The following EMC8 variants were observed in gnomAD, a reference collection of about 807,000 sequenced individuals.
EMC8 encodes COX4 neighbor.
EMC8 carries 11 observed loss-of-function variants against 24.3 expected under a neutral mutation model. The observed-to-expected ratio is 0.45, with a 90% CI of 0.28 to 0.75. EMC8 has a LOEUF of 0.75. Among genes scored for constraint, EMC8 ranks in the 30% least tolerant of loss-of-function variants. EMC8 has a pLI of 0.12. For missense variants in EMC8, 277 were observed against 282.7 expected (o/e 0.98, Z 0.14); for synonymous variants, 145 against 117.7 (o/e 1.23, Z -1.50).
chr16:85,779,556 A>C lies in EMC8; in HGVS notation c.*152T>G. ...AGACTCTGTGTTAAAAACACGACCGACTGAACATTCTGCCCCCTTTCAAGG... is the reference window on the plus strand; with the variant it reads ...AGACTCTGTGTTAAAAACACGACCGCCTGAACATTCTGCCCCCTTTCAAGG... On this transcript the variant is annotated 3_prime_UTR_variant, in exon 5 of 5. Transcript: ENST00000253457. The C allele has an allele frequency of 1.4e-6, 1 of 729,598 alleles. No homozygotes were observed. The highest frequency in any genetic ancestry group is 2.3e-6 in the Non-Finnish European group (1 of 438,500). The allele number at this position is 729,598 out of a possible 1,614,324, so 45.2% of individuals were successfully genotyped here.
At chr16:85,797,535 A>G (rs984723879) in intron 1 of EMC8, among the ~76,000 whole-genome samples, 4 of 152,264 alleles carry the variant, frequency 2.6e-5, no homozygotes, top group African/African-American at 9.6e-5. Flanking sequence ...ATATCATCTA[A>G]GTATTATAAT....
At chr16:85,783,050 T>G (rs1017470670) in intron 2 of EMC8, among the ~76,000 whole-genome samples, 2 of 152,176 alleles carry the variant, frequency 1.3e-5, no homozygotes, top group Admixed American at 6.5e-5. Context: ...CTGTAATCCC[T>G]GCACTTTCGG....
intron 4 of EMC8, 46 bp downstream of exon 4, chr16:85,780,333 G>C: frequency 7.0e-7 from 1 of 1,438,586 alleles, no homozygotes; most frequent in Non-Finnish European, 9.8e-7. Flanking sequence ...CACGTGGCCG[G>C]GCGCTGAAGG....
intron 1 of EMC8, among the ~76,000 whole-genome samples, chr16:85,796,659 A>T (rs1905252414): frequency 1.3e-5 from 2 of 149,590 alleles, no homozygotes; most frequent in Admixed American, 1.3e-4. Flanking sequence ...CTCTCTCCAA[A>T]CTCCCCCACT....
chr16:85,780,705 C>G, intron 3 of EMC8: 1 of 563,970 alleles, frequency 1.8e-6, no homozygotes, highest in Non-Finnish European at 3.2e-6. Flanking sequence ...AGCTTCCAAA[C>G]ATGACTTCTT....
intron 3 of EMC8, 125 bp from the exon 4 acceptor site, chr16:85,780,598 A>T: frequency 1.5e-6 from 1 of 685,578 alleles, no homozygotes; most frequent in South Asian, 1.6e-5. Context: ...CTTCCGACAG[A>T]GCCTGTATGC....
At chr16:85,788,935 C>T in intron 2 of EMC8, 39 bp downstream of exon 2, 5 of 1,471,170 alleles carry the variant, frequency 3.4e-6, no homozygotes, top group Non-Finnish European at 4.8e-6. Flanking sequence ...CCAACACGTG[C>T]TCACTTCCTC....
intron 2 of EMC8, among the ~76,000 whole-genome samples, chr16:85,787,775 C>A (rs1343944707): frequency 6.6e-6 from 1 of 152,214 alleles, no homozygotes; most frequent in Non-Finnish European, 1.5e-5. Context: ...GCAGCATCTC[C>A]TAGGACATCT....
intron 1 of EMC8, among the ~76,000 whole-genome samples, chr16:85,793,793 C>T (rs1905120979): frequency 6.6e-6 from 1 of 152,182 alleles, no homozygotes; most frequent in Non-Finnish European, 1.5e-5. Flanking sequence ...ATTAGAGAAG[C>T]GGGTTCAAGC....
intron 2 of EMC8, among the ~76,000 whole-genome samples, chr16:85,785,595 A>T (rs1239558913): frequency 6.6e-6 from 1 of 152,204 alleles, no homozygotes; most frequent in Non-Finnish European, 1.5e-5. Context: ...GCCAAAAAAA[A>T]AATGTGTAGT....
At chr16:85,793,686 G>C (rs1028068963) in intron 1 of EMC8, among the ~76,000 whole-genome samples, 1 of 152,214 alleles carries the variant, frequency 6.6e-6, no homozygotes, top group Non-Finnish European at 1.5e-5. Flanking sequence ...TCATGGTGAT[G>C]AGGCCAGTGA....
chr16:85,780,586 C>T (rs912426221), intron 3 of EMC8, 113 bp from the exon 4 acceptor site: 25 of 718,874 alleles, frequency 3.5e-5, no homozygotes, highest in Non-Finnish European at 5.7e-5. Context: ...GGGGCAGAGA[C>T]TCTTCCGACA....
chr16:85,793,267 A>G (rs2291658), intron 1 of EMC8, among the ~76,000 whole-genome samples: 125,922 of 152,216 alleles, frequency 0.83, 52,718 homozygotes, highest in African/African-American at 0.9. Context: ...GGCAGGGACC[A>G]CAACTTGCCA....
chr16:85,788,621 C>T (rs1402202823), intron 2 of EMC8, among the ~76,000 whole-genome samples: 1 of 152,198 alleles, frequency 6.6e-6, no homozygotes, highest in Non-Finnish European at 1.5e-5. Context: ...GCAAATAGAG[C>T]AACATTCCTT....
intron 2 of EMC8, among the ~76,000 whole-genome samples, chr16:85,783,286 G>C (rs763361836): frequency 3.5e-4 from 37 of 106,874 alleles, no homozygotes; most frequent in Non-Finnish European, 6.0e-4. Context: ...CTGGGCAACA[G>C]TGAGACTCCA....
At position 85,799,497 on chromosome 16, in the gene EMC8, G is replaced by C; in HGVS notation, c.-202C>G. 1 of 397,466 alleles carries C rather than the reference G, an allele frequency of 2.5e-6. No homozygotes were observed. The highest frequency in any genetic ancestry group is 9.0e-5 in the South Asian group (1 of 11,090). The allele number at this position is 397,466 out of a possible 1,614,324, so 24.6% of individuals were successfully genotyped here. On this transcript the variant is annotated 5_prime_UTR_variant, in exon 1 of 5. Transcript: ENST00000253457. This position sits in a 1 kb window ranked among gnomAD's most constrained non-coding sequence, Gnocchi z 4.2. The stretch of plus-strand genomic sequence containing the variant: ...AAGCGACTCGCGCCTCTGGGAAGCC[G>C]CAGCCCCAGACTCCAGTCGCGCTTC...
chr16:85,797,085 A>T lies in EMC8; in HGVS notation c.231+1980T>A, dbSNP rs772523131. On this transcript the variant is annotated intron_variant, in intron 1 of 4. Coordinates refer to ENST00000253457, the MANE Select transcript of EMC8 (RefSeq NM_006067.5). ...GCAAGTCAATGCATTTCACAGATCC[A>T]ATAATTCTCTTGACAACAGAACAAT... Among the ~76,000 whole-genome samples the T allele has an allele frequency of 4.6e-4, 70 of 152,360 alleles. 1 individual carries two copies. Among genetic ancestry groups the T allele is most frequent in the East Asian group, 5.8e-4 (3 of 5,186 alleles).
At chr16:85,779,985 C>T in intron 4 of EMC8, 118 bp from the exon 5 acceptor site, 1 of 794,034 alleles carries the variant, frequency 1.3e-6, no homozygotes. Context: ...GTGCAGAGTA[C>T]TGAGAAACAT....
rs1215588042 is a variant in EMC8, at chr16:85,778,809, A to T, written c.*899T>A. The T allele has an allele frequency of 6.6e-6, 1 of 152,212 alleles. No individual in the cohort carries two copies. Among genetic ancestry groups the T allele is most frequent in the Non-Finnish European group, 1.5e-5 (1 of 68,040 alleles). 9.4% of individuals were successfully genotyped at this position (152,212 alleles called of 1,614,324 possible). ...CGCTCTCTGAACTTTGTACAAAATA[A>T]TTCATATAAAAAGGAAAAAAGGTAA... On this transcript the variant is annotated 3_prime_UTR_variant, in exon 5 of 5. Transcript: ENST00000253457.
Sources: allele counts gnomAD v4.1 joint callset (sites outside exome capture counted in the v4.1 genomes callset), GRCh38; gene constraint gnomAD v4.1.1; non-coding constraint Gnocchi (gnomAD v3.1); transcripts MANE v1.5; gene names NCBI Gene and HGNC (gene_info 2026-07-23, HGNC 2026-07-21).